The following MAP4K4 variants were observed in gnomAD, a reference collection of about 807,000 sequenced individuals.
MAP4K4 encodes the protein HPK/GCK-like kinase HGK.
A neutral mutation model predicts 189.6 loss-of-function variants in MAP4K4; 38 were observed. The ratio of observed to expected loss-of-function variants is 0.20; its 90% CI spans 0.15 to 0.26. MAP4K4 has a LOEUF of 0.26. Among genes scored for constraint, MAP4K4 ranks in the 10% least tolerant of loss-of-function variants. The pLI is 1.00. For synonymous variants in MAP4K4, 610 were observed against 624.3 expected, an observed-to-expected ratio of 0.98 and a Z score of 0.34; for missense variants, 1,054 against 1,726.9, an observed-to-expected ratio of 0.61 and a Z score of 6.91.
chr2:101,867,972 G>A (rs1559261922), intron 20 of MAP4K4, 57 bp from the exon 21 acceptor site: 1 of 1,594,444 alleles, frequency 6.3e-7, no homozygotes. Context: ...TCCTTGTACT[G>A]TGCATTCCTC....
chr2:101,794,272 A>T (rs1040715504), intron 3 of MAP4K4, among the ~76,000 whole-genome samples: 1 of 152,192 alleles, frequency 6.6e-6, no homozygotes, highest in Admixed American at 6.6e-5. Flanking sequence ...AGTTTTCCTG[A>T]TAAAATCTTG....
intron 2 of MAP4K4, among the ~76,000 whole-genome samples, chr2:101,756,232 A>C (rs1396016376): frequency 6.6e-6 from 1 of 152,074 alleles, no homozygotes; most frequent in Non-Finnish European, 1.5e-5. Flanking sequence ...GGCGTGAGCC[A>C]CTGTGCCCGG....
At chr2:101,725,387 C>CAAAAAAAAA (rs547130880) in intron 2 of MAP4K4, among the ~76,000 whole-genome samples, 4 of 110,962 alleles carry the variant, frequency 3.6e-5, no homozygotes, top group Non-Finnish European at 3.8e-5. Context: ...AAAAGATAAG[C>CAAAAAAAAA]AAAAAAAAAA....
intron 3 of MAP4K4, among the ~76,000 whole-genome samples, chr2:101,806,871 AAGG>A (rs978190339): frequency 1.3e-5 from 2 of 152,154 alleles, no homozygotes; most frequent in African/African-American, 4.8e-5. Context: ...TCAAAAGGGA[AAGG>A]AGGAAGAAGG....
At chr2:101,746,590 T>C (rs1028685633) in intron 2 of MAP4K4, among the ~76,000 whole-genome samples, 2 of 152,150 alleles carry the variant, frequency 1.3e-5, no homozygotes, top group Admixed American at 1.3e-4. Flanking sequence ...TATTGTAGAA[T>C]GAGACCTTGC....
chr2:101,823,684 C>A (rs1020247729), intron 3 of MAP4K4, among the ~76,000 whole-genome samples: 4 of 152,196 alleles, frequency 2.6e-5, no homozygotes, highest in African/African-American at 9.6e-5. Context: ...AGTCCCCTCG[C>A]ACTATCCCTG....
At position 101,869,616 on chromosome 2, in the gene MAP4K4, C is replaced by A; in HGVS notation, c.2464-6C>A. 1.2e-6 allele frequency: 2 copies of A among 1,607,400 alleles called. No homozygotes were observed. Among genetic ancestry groups the A allele is most frequent in the Non-Finnish European group, 1.7e-6 (2 of 1,176,514 alleles). On this transcript the variant is annotated splice_region_variant and splice_polypyrimidine_tract_variant and intron_variant, in intron 21 of 32. Coordinates refer to ENST00000324219, the Ensembl canonical transcript of MAP4K4. ...CTTACTCTCTCTTTTCTGTCCTTTG[C>A]TTTAGGATCTGACCGCACTGGCCAA...
intron 7 of MAP4K4, among the ~76,000 whole-genome samples, 192 bp downstream of exon 7, chr2:101,832,043 A>G (rs577045102): frequency 1.3e-5 from 2 of 152,224 alleles, no homozygotes; most frequent in Non-Finnish European, 2.9e-5. Context: ...TTTGCATCAC[A>G]TGACTGTGTT....
intron 2 of MAP4K4, among the ~76,000 whole-genome samples, chr2:101,780,060 C>G (rs1393367136): frequency 1.3e-5 from 2 of 152,196 alleles, no homozygotes; most frequent in Non-Finnish European, 2.9e-5. Context: ...CAGGGACACA[C>G]AAAGCTGCTT....
chr2:101,698,209 C>A lies in MAP4K4; in HGVS notation c.57+72C>A, dbSNP rs2035558060. ...CCGGCAGCCGGGGCCGCGCCCAGGT[C>A]GGCCGGGCGCTCGGGCGCCGCCGTG... is the stretch of plus-strand genomic sequence containing the variant. On this transcript the variant is annotated intron_variant, in intron 1 of 32. Transcript: ENST00000324219. The A allele has an allele frequency of 4.3e-6, 3 of 700,370 alleles. No homozygotes were observed. In the South Asian group the frequency reaches 1.8e-4, roughly 42 times the overall value. 43.4% of individuals were successfully genotyped at this position (700,370 alleles called of 1,614,324 possible). A position where few individuals can be genotyped will look rare whatever the true frequency, so the allele number is the denominator to read the frequency against.
chr2:101,785,701 T>C (rs866998333), intron 2 of MAP4K4, among the ~76,000 whole-genome samples: 135 of 4,702 alleles, frequency 0.029, no homozygotes, highest in Non-Finnish European at 0.027. Context: ...TCTCTCTCTC[T>C]CTCTCTCTCT....
At chr2:101,760,781 ATCACCTGAGGT>A (rs1297562586) in intron 2 of MAP4K4, among the ~76,000 whole-genome samples, 1 of 152,182 alleles carries the variant, frequency 6.6e-6, no homozygotes, top group Non-Finnish European at 1.5e-5. Flanking sequence ...AGGTGGGCGG[ATCACCTGAGGT>A]TGGGAGTTGG....
chr2:101,758,861 C>T (rs1466188911), intron 2 of MAP4K4, among the ~76,000 whole-genome samples: 2 of 151,886 alleles, frequency 1.3e-5, no homozygotes, highest in South Asian at 2.1e-4. Context: ...TGGCCGGGCG[C>T]GGTGGCTCAC....
chr2:101,713,911 A>G (rs1388805317), intron 2 of MAP4K4, among the ~76,000 whole-genome samples: 1 of 152,010 alleles, frequency 6.6e-6, no homozygotes, highest in Non-Finnish European at 1.5e-5. Flanking sequence ...AAATTTTCTA[A>G]TTTCCCATCA....
At chr2:101,851,589 C>G (rs1180410871) in intron 12 of MAP4K4, among the ~76,000 whole-genome samples, 1 of 151,988 alleles carries the variant, frequency 6.6e-6, no homozygotes, top group Non-Finnish European at 1.5e-5. Flanking sequence ...CTTAGTGCCC[C>G]CAGCTACCTC....
intron 3 of MAP4K4, among the ~76,000 whole-genome samples, chr2:101,798,464 T>A (rs1189969364): frequency 1.3e-5 from 2 of 152,232 alleles, no homozygotes; most frequent in African/African-American, 4.8e-5. Context: ...AGGTTAGCTT[T>A]ATGCCTGTGA....
At position 101,889,795 on chromosome 2, in the gene MAP4K4, A is replaced by G. The variant is rs562297026; in HGVS notation, c.4071+860A>G. Among the ~76,000 whole-genome samples the G allele has an allele frequency of 7.9e-5, 12 of 152,346 alleles. 1 individual carries two copies. In the South Asian group the frequency reaches 8.3e-4, roughly 11 times the overall value. On this transcript the variant is annotated intron_variant, in intron 32 of 32. Transcript: ENST00000324219. ...GCCCAGTTCTCAGATTTAAACATTT[A>G]GTCATTTAATGCAAGAAAGAAGAAG...
rs567594442 is a variant in MAP4K4, at chr2:101,818,287, C to T, written c.181-5641C>T. ...TATATTCATTTGTACATTTTGGTGC[C>T]GAAGTCTTCCAGAGATATTTGTATA... On this transcript the variant is annotated intron_variant, in intron 3 of 32. Coordinates refer to ENST00000324219, the Ensembl canonical transcript of MAP4K4. Among the ~76,000 whole-genome samples the T allele has an allele frequency of 6.6e-5, 10 of 152,226 alleles. No homozygotes were observed. The East Asian group carries it at 1.2e-3, about 18-fold the overall frequency.
chr2:101,829,281 G>T (rs993119330), intron 5 of MAP4K4, among the ~76,000 whole-genome samples: 1 of 152,122 alleles, frequency 6.6e-6, no homozygotes, highest in Non-Finnish European at 1.5e-5. Context: ...TTGCTCACAC[G>T]GGGAACCTAA....
Sources: gnomAD v4.1 joint callset for allele counts (sites outside exome capture counted in the v4.1 genomes callset) on GRCh38, gnomAD v4.1.1 for gene constraint, MANE v1.5 for transcripts, NCBI Gene and HGNC (gene_info 2026-07-23, HGNC 2026-07-21) for gene names.